WNT2B: variants seen among roughly 807,000 people sequenced by gnomAD.
WNT2B encodes Wnt family member 2B, also known as protein Wnt-2b.
WNT2B carries 19 observed loss-of-function variants against 40.5 expected under a neutral mutation model. The ratio of observed to expected loss-of-function variants is 0.47; its 90% CI spans 0.33 to 0.69. The LOEUF (loss-of-function observed/expected upper bound fraction) is 0.69. Among genes scored for constraint, WNT2B ranks in the 30% least tolerant of loss-of-function variants. The probability of loss-of-function intolerance (pLI) is 0.02; values close to 1 mark genes in which losing one functional copy is unlikely to be tolerated. For synonymous variants in WNT2B, 220 were observed against 211.9 expected, an observed-to-expected ratio of 1.04 and a Z score of -0.33; for missense variants, 467 against 556.4, an observed-to-expected ratio of 0.84 and a Z score of 1.62.
intron 1 of WNT2B, among the ~76,000 whole-genome samples, chr1:112,495,562 C>T (rs1651738380): frequency 6.7e-6 from 1 of 150,278 alleles, no homozygotes; most frequent in Admixed American, 6.6e-5. Context: ...GCGCTCCAGC[C>T]TGGGTGACAG....
intron 1 of WNT2B, among the ~76,000 whole-genome samples, chr1:112,487,331 G>C (rs1422728481): frequency 6.6e-6 from 1 of 152,154 alleles, no homozygotes; most frequent in South Asian, 2.1e-4. Context: ...TTACAAAGGT[G>C]TGATATAATA....
At chr1:112,484,242 T>TACACATATATATAC (rs1651331706) in intron 1 of WNT2B, among the ~76,000 whole-genome samples, 2 of 126,796 alleles carry the variant, frequency 1.6e-5, no homozygotes, top group Admixed American at 8.4e-5. Context: ...CACATATATA[T>TACACATATATATAC]ACACATATAT....
At chr1:112,510,232 A>G (rs903569529) in intron 1 of WNT2B, among the ~76,000 whole-genome samples, 1 of 151,986 alleles carries the variant, frequency 6.6e-6, no homozygotes, top group Non-Finnish European at 1.5e-5. Flanking sequence ...GATCCACTGG[A>G]TGTCTCGTGT....
intron 1 of WNT2B, among the ~76,000 whole-genome samples, chr1:112,474,180 C>G: frequency 6.6e-6 from 1 of 152,074 alleles, no homozygotes; most frequent in East Asian, 1.9e-4. Context: ...GATTTTCACT[C>G]TGTCGCCCAG....
In WNT2B at chr1:112,523,238, T is replaced by C. The variant is rs905098147; in HGVS notation, c.*2729T>C. On this transcript the variant is annotated 3_prime_UTR_variant, in exon 5 of 5. Coordinates refer to ENST00000369684, the MANE Select transcript of WNT2B (RefSeq NM_024494.3). ...GGCATCTCATGCTACTCTGTGCTTT[T>C]CCTTGGGCTCCAAATTCTAGCTCAT... is the stretch of plus-strand genomic sequence containing the variant. The C allele has an allele frequency of 6.6e-6, 1 of 152,244 alleles. No homozygotes were observed. Among genetic ancestry groups the C allele is most frequent in the Non-Finnish European group, 1.5e-5 (1 of 68,058 alleles). 9.4% of individuals were successfully genotyped at this position (152,244 alleles called of 1,614,324 possible).
At chr1:112,506,008 T>C (rs532127446), upstream of WNT2B, among the ~76,000 whole-genome samples, 30 of 152,030 alleles carry the variant, frequency 2.0e-4, no homozygotes, top group African/African-American at 7.3e-4. Context: ...ATTTTTTTTA[T>C]TTCTATTTAT....
rs1342742194 is a variant in WNT2B, at chr1:112,525,998, T to G, written c.*5489T>G. The G allele has an allele frequency of 1.2e-6, 2 of 1,614,018 alleles. No homozygotes were observed. Among genetic ancestry groups the G allele is most frequent in the East Asian group, 4.5e-5 (2 of 44,890 alleles). ...ATTTGGTGATTTGTCCAAGGTCACA[T>G]GAACAGTGCGTGGCTCAGCCAGAAC... On this transcript the variant is annotated 3_prime_UTR_variant, in exon 5 of 5. Transcript: ENST00000369684.
intron 1 of WNT2B, among the ~76,000 whole-genome samples, chr1:112,510,755 T>C (rs1652323210): frequency 6.6e-6 from 1 of 151,206 alleles, no homozygotes; most frequent in African/African-American, 2.4e-5. Context: ...GGGGTTCTGG[T>C]TGGGGGAACA....
intron 1 of WNT2B, among the ~76,000 whole-genome samples, chr1:112,478,781 G>A (rs749311415): frequency 6.6e-6 from 1 of 151,990 alleles, no homozygotes; most frequent in Non-Finnish European, 1.5e-5. Flanking sequence ...AAATTAGCCA[G>A]GTGTGGTGAC....
rs1482536505 is a variant in WNT2B at position 112,509,295 on chromosome 1, G to T, written c.33G>T (p.Ala11=). The change falls in exon 1 of 5, where the codon GCG becomes GCT. Residue 11 remains alanine (A), a synonymous_variant. Transcript: ENST00000369684. The surrounding 1 kb of genome is among the most constrained non-coding windows in gnomAD (Gnocchi z 4.2). ...GACCGGGTGGTGCGGAGGAAGCTGC[G>T]CAGCTCCCGCTTCGGCGCGCCAGCG... MLRPGGAEEA[A]QLPLRRASAP... is the part of the protein sequence containing the mutation. The T allele has an allele frequency of 3.2e-6, 5 of 1,548,760 alleles. No individual in the cohort carries two copies. The African/African-American group carries it at 5.6e-5, about 17-fold the overall frequency.
At chr1:112,496,460 A>C (rs1651770870) in intron 1 of WNT2B, among the ~76,000 whole-genome samples, 1 of 152,200 alleles carries the variant, frequency 6.6e-6, no homozygotes, top group South Asian at 2.1e-4. Context: ...AGTCTCATCT[A>C]AATCACATAT....
chr1:112,517,260 A>T lies in WNT2B; in HGVS notation c.821A>T (p.Gln274Leu). 1.9e-6 allele frequency: 3 copies of T among 1,614,222 alleles called. No homozygotes were observed. The highest frequency in any genetic ancestry group is 2.5e-6 in the Non-Finnish European group (3 of 1,180,046). The stretch of plus-strand genomic sequence containing the variant: ...CGGCGACGCTATGATGGGGCTGTGC[A>T]GGTGATGGCCACCCAAGATGGTGCC... ...YLRRRYDGAV[Q>L]VMATQDGANF... Residue 274 changes from glutamine to leucine, a missense_variant, in exon 4 of 5, where the codon CAG becomes CTG. Coordinates refer to ENST00000369684, the MANE Select transcript of WNT2B (RefSeq NM_024494.3).
chr1:112,509,168 C>T lies in WNT2B; in HGVS notation c.-95C>T. The T allele has an allele frequency of 7.2e-7, 1 of 1,387,504 alleles. No individual in the cohort carries two copies. Among genetic ancestry groups the T allele is most frequent in the East Asian group, 3.0e-5 (1 of 32,858 alleles). 85.9% of individuals were successfully genotyped at this position (1,387,504 alleles called of 1,614,324 possible). ...CCCAGCCGCCGGCGAACACCATGGC[C>T]CCCCAGGGGGGTGAGGTAGGAGCAG... On this transcript the variant is annotated 5_prime_UTR_variant, in exon 1 of 5. Coordinates refer to ENST00000369684, the MANE Select transcript of WNT2B (RefSeq NM_024494.3). This position sits in a 1 kb window ranked among gnomAD's most constrained non-coding sequence, Gnocchi z 4.2.
Position 112,489,834 on chromosome 1 carries a change from T to A in WNT2B, c.-95+22243T>A, listed in dbSNP as rs541267661. Among the ~76,000 whole-genome samples the A allele has an allele frequency of 2.0e-5, 3 of 152,238 alleles. No homozygotes were observed. In the South Asian group the frequency reaches 6.2e-4, roughly 32 times the overall value. ...GAAAATATAGCATGTCCCTCGCCAG[T>A]ATGTTCCTTCAGCCCAGATCCTAAA... is the stretch of plus-strand genomic sequence containing the variant. On this transcript the variant is annotated intron_variant, in intron 1 of 4. Coordinates refer to the WNT2B transcript ENST00000256640.
At chr1:112,499,814 A>G (rs28584567) in intron 1 of WNT2B, among the ~76,000 whole-genome samples, 1 of 152,252 alleles carries the variant, frequency 6.6e-6, no homozygotes, top group Non-Finnish European at 1.5e-5. Flanking sequence ...TAATCATCCA[A>G]CAATCATATA....
Position 112,483,473 on chromosome 1 carries a change from A to G in WNT2B, c.-95+15882A>G, listed in dbSNP as rs115202031. On this transcript the variant is annotated intron_variant, in intron 1 of 4. Transcript: ENST00000256640. ...TGTCTCACACTATATACAAAAATCA[A>G]CTCAAAAAGGATTACAGATCTAAGC... Among the ~76,000 whole-genome samples, 356 of 152,264 alleles carry G rather than the reference A, an allele frequency of 2.3e-3. 1 individual carries two copies. The highest frequency in any genetic ancestry group is 8.1e-3 in the African/African-American group (335 of 41,546).
At chr1:112,491,112 A>T in intron 1 of WNT2B, 1 of 1,605,286 alleles carries the variant, frequency 6.2e-7, no homozygotes, top group African/African-American at 1.3e-5. Flanking sequence ...CAGATAACCA[A>T]TTATAAAAAA....
In WNT2B at chr1:112,520,535, C is replaced by A; in HGVS notation, c.*26C>A. 6.2e-7 allele frequency: 1 copy of A among 1,606,520 alleles called. No homozygotes were observed. The highest frequency in any genetic ancestry group is 8.5e-7 in the Non-Finnish European group (1 of 1,175,414). ...ACACACAGATACCTCACTCATCCCT[C>A]CAATTCAAGCCTCTCAACTCAAAAG... On this transcript the variant is annotated 3_prime_UTR_variant, in exon 5 of 5. Coordinates refer to ENST00000369684, the MANE Select transcript of WNT2B (RefSeq NM_024494.3).
rs763018977 is a variant in WNT2B, at chr1:112,515,068, C to T, written c.377C>T (p.Thr126Ile). 1 of 1,614,188 alleles carries T rather than the reference C, an allele frequency of 6.2e-7. No individual in the cohort carries two copies. The highest frequency in any genetic ancestry group is 8.5e-7 in the Non-Finnish European group (1 of 1,180,030). The change falls in exon 2 of 5, where the codon ACC becomes ATC. Residue 126 changes from threonine (T) to isoleucine (I), a missense_variant. Physicochemically the swap from Thr to Ile is moderately conservative, Grantham distance 89 (BLOSUM62 -1). Coordinates refer to ENST00000369684, the MANE Select transcript of WNT2B (RefSeq NM_024494.3). The surrounding 1 kb of genome is among the most constrained non-coding windows in gnomAD (Gnocchi z 4.4). ...WNCTTLDRDH[T>I]VFGRVMLRSS... ...TGTACCACCCTGGACCGGGACCACACCGTCTTTGGCCGTGTCATGCTCAGA... is the reference window on the plus strand; with the variant it reads ...TGTACCACCCTGGACCGGGACCACATCGTCTTTGGCCGTGTCATGCTCAGA...
Sources: gnomAD v4.1 joint callset for allele counts (sites outside exome capture counted in the v4.1 genomes callset) on GRCh38, gnomAD v4.1.1 for gene constraint, Gnocchi (gnomAD v3.1) non-coding constraint, MANE v1.5 for transcripts, NCBI Gene and HGNC (gene_info 2026-07-23, HGNC 2026-07-21) for gene names.